KCNC2: variants seen among roughly 807,000 people sequenced by gnomAD.
The protein encoded by KCNC2 is voltage-gated potassium channel KCNC2.
KCNC2 carries 21 observed loss-of-function variants against 44.5 expected under a neutral mutation model. That is an observed-to-expected ratio of 0.47 (90% CI 0.33 to 0.68). The LOEUF is 0.68. Among genes scored for constraint, KCNC2 ranks in the 30% least tolerant of loss-of-function variants. The probability of loss-of-function intolerance (pLI) is 0.01; values close to 1 mark genes in which losing one functional copy is unlikely to be tolerated. For synonymous variants in KCNC2, 391 were observed against 339.1 expected, an observed-to-expected ratio of 1.15 and a Z score of -1.68; for missense variants, 589 against 826.2, an observed-to-expected ratio of 0.71 and a Z score of 3.52.
chr12:75,114,386 C>A (rs1390441837), intron 2 of KCNC2, among the ~76,000 whole-genome samples: 1 of 152,140 alleles, frequency 6.6e-6, no homozygotes, highest in Non-Finnish European at 1.5e-5. Context: ...ATCTTGCAGG[C>A]ATTATTCATT....
chr12:75,141,443 T>C (rs1263989475), intron 2 of KCNC2, among the ~76,000 whole-genome samples: 1 of 152,198 alleles, frequency 6.6e-6, no homozygotes, highest in East Asian at 1.9e-4. Flanking sequence ...GTAGTGATAG[T>C]AATTATTTGA....
chr12:75,161,187 G>T (rs1891101169), intron 2 of KCNC2, among the ~76,000 whole-genome samples: 1 of 151,670 alleles, frequency 6.6e-6, no homozygotes, highest in African/African-American at 2.4e-5. Flanking sequence ...CTTTCAAAAG[G>T]TGTCATGAAA....
intron 2 of KCNC2, among the ~76,000 whole-genome samples, chr12:75,190,600 C>T (rs947588764): frequency 6.6e-6 from 1 of 152,112 alleles, no homozygotes; most frequent in Non-Finnish European, 1.5e-5. Context: ...AACTTGTGTA[C>T]TAAGCTAAGA....
chr12:75,081,599 C>A (rs1310951142), intron 2 of KCNC2, among the ~76,000 whole-genome samples: 10 of 151,818 alleles, frequency 6.6e-5, no homozygotes, highest in Non-Finnish European at 2.9e-5. Flanking sequence ...CAGCAAACAG[C>A]CTGATTCACT....
chr12:75,084,554 CT>C, intron 2 of KCNC2, among the ~76,000 whole-genome samples: 1 of 151,892 alleles, frequency 6.6e-6, no homozygotes, highest in African/African-American at 2.4e-5. Context: ...TCATTTTTCT[CT>C]TGCCACCACC....
intron 2 of KCNC2, among the ~76,000 whole-genome samples, chr12:75,127,018 T>G (rs1332473956): frequency 6.6e-6 from 1 of 152,190 alleles, no homozygotes; most frequent in Non-Finnish European, 1.5e-5. Context: ...AAATGTGCCC[T>G]GGTCTAGTTA....
At chr12:75,101,758 G>C (rs1297879899) in intron 2 of KCNC2, among the ~76,000 whole-genome samples, 1 of 152,154 alleles carries the variant, frequency 6.6e-6, no homozygotes, top group Admixed American at 6.6e-5. Context: ...CTCAGCACCA[G>C]TGAAAAAGGA....
intron 2 of KCNC2, among the ~76,000 whole-genome samples, chr12:75,174,613 A>G (rs898345814): frequency 6.6e-6 from 1 of 151,862 alleles, no homozygotes; most frequent in African/African-American, 2.4e-5. Flanking sequence ...TCCTTTTCAG[A>G]TATCAAAGTG....
rs1881064338 is a variant in KCNC2, at chr12:75,050,574, T to C, written c.1431A>G (p.Gly477=). The change falls in exon 3 of 5, where the codon GGA becomes GGG. Residue 477 remains glycine (G), a synonymous_variant. Coordinates refer to ENST00000549446, the MANE Select transcript of KCNC2 (RefSeq NM_139137.4). ...MPVPVIVNNF[G]MYYSLAMAKQ... ...TTGCCATTGCCAAGGAGTAGTACAT[T>C]CCAAAATTATTGACAATGACAGGCA... The C allele has an allele frequency of 4.3e-6, 7 of 1,613,482 alleles. No homozygotes were observed. In the East Asian group the frequency reaches 1.6e-4, roughly 36 times the overall value.
chr12:75,141,742 G>C (rs1160923880), intron 2 of KCNC2, among the ~76,000 whole-genome samples: 2 of 152,148 alleles, frequency 1.3e-5, no homozygotes, highest in Admixed American at 1.3e-4. Flanking sequence ...GTGGTCCTGA[G>C]ACTGGGTTGA....
intron 2 of KCNC2, among the ~76,000 whole-genome samples, chr12:75,189,635 T>G (rs1184901163): frequency 6.6e-6 from 1 of 152,192 alleles, no homozygotes; most frequent in Non-Finnish European, 1.5e-5. Context: ...GCACCAGAAT[T>G]CATTAAACCT....
intron 2 of KCNC2, among the ~76,000 whole-genome samples, chr12:75,065,632 C>T (rs1882756320): frequency 6.6e-6 from 1 of 151,990 alleles, no homozygotes; most frequent in Non-Finnish European, 1.5e-5. Context: ...AATACAATAA[C>T]ATGTTGTACA....
intron 2 of KCNC2, among the ~76,000 whole-genome samples, chr12:75,131,610 G>GA (rs1330585428): frequency 6.6e-6 from 1 of 152,064 alleles, no homozygotes; most frequent in African/African-American, 2.4e-5. Flanking sequence ...AGATGTGGCA[G>GA]AAAGAAAAGT....
chr12:75,110,803 A>G (rs1048761499), intron 2 of KCNC2, among the ~76,000 whole-genome samples: 12 of 152,120 alleles, frequency 7.9e-5, no homozygotes, highest in Non-Finnish European at 1.6e-4. Context: ...TAAAGCAAAA[A>G]AGAAGATAAA....
chr12:75,114,444 CTAG>C lies in KCNC2; in HGVS notation c.688-63130_688-63128del, dbSNP rs1592901656. ...CATCTAATAAATACCAAGCACTATG[CTAG>C]TAACAGAGACATAGTGGTAAGCAAA... On this transcript the variant is annotated intron_variant, in intron 2 of 4. Coordinates refer to ENST00000549446, the MANE Select transcript of KCNC2 (RefSeq NM_139137.4). Among the ~76,000 whole-genome samples, 3 of 152,140 alleles carry C rather than the reference CTAG, an allele frequency of 2.0e-5. No homozygotes were observed. In the East Asian group the frequency reaches 5.8e-4, roughly 29 times the overall value.
At chr12:75,107,524 A>G (rs12427015) in intron 2 of KCNC2, among the ~76,000 whole-genome samples, 20,631 of 152,232 alleles carry the variant, frequency 0.14, 1,618 homozygotes, top group East Asian at 0.23. Context: ...TTAATTTTCC[A>G]TTAATGGTAT....
At chr12:75,071,895 G>T (rs188097761) in intron 2 of KCNC2, among the ~76,000 whole-genome samples, 4,661 of 120,178 alleles carry the variant, frequency 0.039, 254 homozygotes, top group African/African-American at 0.14. Flanking sequence ...CTGAGATCAC[G>T]CCACTGCACT....
intron 2 of KCNC2, among the ~76,000 whole-genome samples, chr12:75,198,125 A>C (rs2030935234): frequency 6.6e-6 from 1 of 151,954 alleles, no homozygotes; most frequent in South Asian, 2.1e-4. Flanking sequence ...AAGCCTAATA[A>C]TACATTAAAA....
intron 2 of KCNC2, among the ~76,000 whole-genome samples, chr12:75,189,426 G>A (rs1003099341): frequency 1.4e-4 from 22 of 152,148 alleles, no homozygotes; most frequent in Admixed American, 1.0e-3. Flanking sequence ...GCTTCCCTTG[G>A]AGATGCATTT....
Sources: allele counts gnomAD v4.1 joint callset (sites outside exome capture counted in the v4.1 genomes callset), GRCh38; gene constraint gnomAD v4.1.1; transcripts MANE v1.5; gene names NCBI Gene and HGNC (gene_info 2026-07-23, HGNC 2026-07-21).